Variants in EPRS1 observed in about 807,000 individuals in gnomAD.
The protein encoded by EPRS1 is glutamyl-prolyl-tRNA synthetase 1.
Under a neutral mutation model 188.3 loss-of-function variants are expected in EPRS1, and 107 were observed. The ratio of observed to expected loss-of-function variants is 0.57; its 90% confidence interval spans 0.49 to 0.67. The LOEUF is 0.67. Ranked by LOEUF, EPRS1 falls within the 30% of genes least tolerant of loss-of-function variation. The probability of loss-of-function intolerance (pLI) is 0.00; values close to 1 mark genes in which losing one functional copy is unlikely to be tolerated. For missense variants in EPRS1, 1,577 were observed against 1,802.2 expected, an observed-to-expected ratio of 0.88 and a Z score of 2.26; for synonymous variants, 596 against 593.1, an observed-to-expected ratio of 1.00 and a Z score of -0.07.
chr1:220,008,982 C>T (rs1311447249), intron 13 of EPRS1, among the ~76,000 whole-genome samples: 2 of 152,160 alleles, frequency 1.3e-5, no homozygotes, highest in Non-Finnish European at 2.9e-5. Context: ...GCAATTTAAT[C>T]TAAACTATCA....
At chr1:220,030,632 G>C in intron 5 of EPRS1, 152 bp from the exon 6 acceptor site, 1 of 617,380 alleles carries the variant, frequency 1.6e-6, no homozygotes, top group South Asian at 2.0e-5. Context: ...TACAAAATCT[G>C]GTTAAGAATA....
intron 16 of EPRS1, 86 bp from the exon 17 acceptor site, chr1:220,001,341 A>G (rs1403601948): frequency 1.2e-6 from 1 of 800,200 alleles, no homozygotes. Context: ...GATAAATTCA[A>G]TGGCACTAAG....
chr1:219,975,311 T>C (rs1660755583), intron 28 of EPRS1, among the ~76,000 whole-genome samples: 2 of 152,176 alleles, frequency 1.3e-5, no homozygotes, highest in Non-Finnish European at 2.9e-5. Flanking sequence ...ATTGGTGGCA[T>C]ACAGGGTGAC....
intron 16 of EPRS1, among the ~76,000 whole-genome samples, chr1:220,003,379 T>A (rs2647424): frequency 6.6e-6 from 1 of 151,556 alleles, no homozygotes; most frequent in South Asian, 2.1e-4. Flanking sequence ...ATCTTTTCAC[T>A]TTCTTTGAAA....
rs533164596 is a variant in EPRS1, at chr1:220,046,480, G to A, written c.-92C>T. The A allele has an allele frequency of 6.5e-7, 1 of 1,548,942 alleles. No homozygotes were observed. The highest frequency in any genetic ancestry group is 1.2e-5 in the South Asian group (1 of 85,084). ...GAAAGGAAGAAGATGCAACGTGTGC[G>A]CGTACCCGACGCCGCCGCAGCCTTC... On this transcript the variant is annotated 5_prime_UTR_variant, in exon 1 of 32. Coordinates refer to ENST00000366923, the MANE Select transcript of EPRS1 (RefSeq NM_004446.3).
intron 16 of EPRS1, among the ~76,000 whole-genome samples, 192 bp from the exon 17 acceptor site, chr1:220,001,447 C>A (rs1312162185): frequency 1.3e-5 from 2 of 152,124 alleles, no homozygotes; most frequent in African/African-American, 4.8e-5. Flanking sequence ...CTCACTGCAG[C>A]TTCCACCTCC....
At chr1:220,044,681 CAA>C (rs71560597) in intron 1 of EPRS1, among the ~76,000 whole-genome samples, 1,482 of 88,272 alleles carry the variant, frequency 0.017, 37 homozygotes, top group South Asian at 0.022. Context: ...GCTCGGTCTC[CAA>C]AAAAAAAAAA....
chr1:220,016,172 C>T (rs1661706587), intron 12 of EPRS1, among the ~76,000 whole-genome samples: 1 of 151,828 alleles, frequency 6.6e-6, no homozygotes. Context: ...GGCAAAACCC[C>T]GTCTCCACTA....
chr1:219,978,762 T>G, intron 27 of EPRS1, 43 bp from the exon 28 acceptor site: 1 of 1,504,782 alleles, frequency 6.6e-7, no homozygotes, highest in Non-Finnish European at 9.0e-7. Flanking sequence ...AAGAAACAGA[T>G]ATAGAAGTAA....
intron 17 of EPRS1, among the ~76,000 whole-genome samples, chr1:219,999,954 C>A (rs959633684): frequency 6.6e-6 from 1 of 151,978 alleles, no homozygotes; most frequent in Non-Finnish European, 1.5e-5. Flanking sequence ...CCAGCCTGGG[C>A]AACAGAGCAA....
intron 12 of EPRS1, among the ~76,000 whole-genome samples, chr1:220,016,513 T>G (rs1263492013): frequency 3.3e-5 from 5 of 149,270 alleles, no homozygotes; most frequent in Non-Finnish European, 7.4e-5. Flanking sequence ...TGGGCTCAAG[T>G]GATCCTCCCA....
intron 18 of EPRS1, among the ~76,000 whole-genome samples, chr1:219,994,728 C>T (rs1366765863): frequency 6.7e-6 from 1 of 149,316 alleles, no homozygotes; most frequent in Non-Finnish European, 1.5e-5. Context: ...TCTCAGCTCA[C>T]TCCAAGCTTT....
chr1:220,042,275 G>C (rs182842439), intron 1 of EPRS1, among the ~76,000 whole-genome samples: 1 of 151,498 alleles, frequency 6.6e-6, no homozygotes, highest in East Asian at 2.0e-4. Flanking sequence ...CTGAGCTCAG[G>C]AGTTCGAGAC....
At chr1:220,032,361 T>C in intron 5 of EPRS1, 26 bp downstream of exon 5, 1 of 1,557,694 alleles carries the variant, frequency 6.4e-7, no homozygotes, top group African/African-American at 1.4e-5. Context: ...GTTTTTTTTT[T>C]TAAAAAAAAA....
intron 12 of EPRS1, among the ~76,000 whole-genome samples, chr1:220,017,462 C>A (rs1421749892): frequency 2.0e-5 from 3 of 152,166 alleles, no homozygotes; most frequent in Non-Finnish European, 2.9e-5. Context: ...ACTTTGCCAG[C>A]AAATTCTACT....
chr1:220,010,896 G>T, intron 13 of EPRS1, 50 bp downstream of exon 13: 5 of 1,035,714 alleles, frequency 4.8e-6, no homozygotes, highest in South Asian at 2.7e-5. Flanking sequence ...TTTATTTCCT[G>T]CTCCTTCTTT....
At chr1:220,022,550 A>G in intron 8 of EPRS1, 32 bp from the exon 9 acceptor site, 1 of 1,510,720 alleles carries the variant, frequency 6.6e-7, no homozygotes, top group Non-Finnish European at 9.1e-7. Context: ...ACGGTTCACT[A>G]ATCTGGTTAA....
intron 18 of EPRS1, among the ~76,000 whole-genome samples, chr1:219,991,242 A>C (rs1400369790): frequency 2.0e-5 from 3 of 151,886 alleles, no homozygotes; most frequent in East Asian, 1.9e-4. Context: ...AAAAAAAAAA[A>C]AAAAAACCTG....
intron 6 of EPRS1, 130 bp from the exon 7 acceptor site, chr1:220,025,388 C>T (rs1661952621): frequency 1.7e-6 from 1 of 573,418 alleles, no homozygotes; most frequent in Admixed American, 4.0e-5. Flanking sequence ...ATTTTATTTT[C>T]TAACAAAAAG....
Sources: gnomAD v4.1 joint callset for allele counts (sites outside exome capture counted in the v4.1 genomes callset) on GRCh38, gnomAD v4.1.1 for gene constraint, MANE v1.5 for transcripts, NCBI Gene and HGNC (gene_info 2026-07-23, HGNC 2026-07-21) for gene names.